The following SASH1 variants were observed in gnomAD, a reference collection of about 807,000 sequenced individuals.
SASH1 encodes SAM and SH3 domain-containing protein 1.
Under a neutral mutation model 125.2 loss-of-function variants are expected in SASH1, and 44 were observed. The observed-to-expected ratio is 0.35, with a 90% CI of 0.28 to 0.45. SASH1 has a LOEUF of 0.45. Among genes scored for constraint, SASH1 ranks in the 20% least tolerant of loss-of-function variants. The probability of loss-of-function intolerance (pLI) is 1.00; values close to 1 mark genes in which losing one functional copy is unlikely to be tolerated. For missense variants in SASH1, 1,426 were observed against 1,614.5 expected (o/e 0.88, Z 2.00); for synonymous variants, 639 against 649.1 (o/e 0.98, Z 0.24).
chr6:148,296,561 G>A lies in SASH1; in HGVS notation n.74+24184G>A, dbSNP rs541108990. ...CTCTATGGGATTCATTGTATTCATG[G>A]CCCCATTTTATAGATGAGAAAACTA... On this transcript the variant is annotated intron_variant and non_coding_transcript_variant, in intron 1 of 3. Transcript: ENST00000367469. Among the ~76,000 whole-genome samples the A allele has an allele frequency of 1.2e-3, 189 of 152,106 alleles. 2 individuals carry two copies. Among genetic ancestry groups the A allele is most frequent in the Non-Finnish European group, 1.3e-3 (91 of 68,032 alleles).
At chr6:148,370,233 A>G (rs1782657856) in intron 1 of SASH1, among the ~76,000 whole-genome samples, 1 of 152,144 alleles carries the variant, frequency 6.6e-6, no homozygotes, top group African/African-American at 2.4e-5. Flanking sequence ...ACAAATTGTG[A>G]TATATAGACA....
At chr6:148,234,080 C>T in the SASH1 span, among the ~76,000 whole-genome samples, 5 of 151,760 alleles carry the variant, frequency 3.3e-5, no homozygotes, top group Admixed American at 3.3e-4. Context: ...CTCTGTAGCC[C>T]AGGCTGGAGT....
intron 1 of SASH1, among the ~76,000 whole-genome samples, chr6:148,364,118 C>G (rs1461760369): frequency 6.6e-6 from 1 of 152,162 alleles, no homozygotes; most frequent in Non-Finnish European, 1.5e-5. Context: ...GGACTGCTCC[C>G]TCTGGTCCAT....
rs558325057 is a variant in SASH1, at chr6:148,324,503, A to G, written n.74+52126A>G. Among the ~76,000 whole-genome samples, 19 of 152,254 alleles carry G rather than the reference A, an allele frequency of 1.2e-4. No individual in the cohort carries two copies. The South Asian group carries it at 3.1e-3, about 25-fold the overall frequency. ...TCCCTTTCTCCAACTCTGCCATCCA[A>G]TGAATCACCCAGTCCTTCCAATTCA... On this transcript the variant is annotated intron_variant and non_coding_transcript_variant, in intron 1 of 3. Transcript: ENST00000367469.
At chr6:148,381,226 T>G (rs567486679) in intron 1 of SASH1, among the ~76,000 whole-genome samples, 2 of 152,318 alleles carry the variant, frequency 1.3e-5, no homozygotes, top group South Asian at 4.1e-4. Context: ...TAGACTAAAC[T>G]TTTCAGATTT....
At chr6:148,448,115 A>AGAGTGTGTGTGTGTGTGTGTGT (rs374141600) in intron 4 of SASH1, among the ~76,000 whole-genome samples, 40 of 146,922 alleles carry the variant, frequency 2.7e-4, no homozygotes, top group African/African-American at 8.8e-4. Context: ...CAGTGGAGAG[A>AGAGTGTGTGTGTGTGTGTGTGT]GTGTGTGTGT....
chr6:148,329,705 G>A (rs190098488), intron 1 of SASH1, among the ~76,000 whole-genome samples: 241 of 152,278 alleles, frequency 1.6e-3, no homozygotes, highest in Non-Finnish European at 2.7e-3. Context: ...ACTCTAGAGA[G>A]GAACATGGCC....
At chr6:148,476,140 T>C (rs1307762758) in intron 7 of SASH1, among the ~76,000 whole-genome samples, 1 of 151,954 alleles carries the variant, frequency 6.6e-6, no homozygotes, top group Non-Finnish European at 1.5e-5. Context: ...CAGCAACAAA[T>C]ACTCTGAAAA....
intron 1 of SASH1, among the ~76,000 whole-genome samples, chr6:148,275,169 G>A (rs1444695287): frequency 6.6e-6 from 1 of 152,218 alleles, no homozygotes; most frequent in Non-Finnish European, 1.5e-5. Flanking sequence ...CTGGAAAGGG[G>A]AAGAAAGAAC....
rs1237965808 is a variant in SASH1 at position 148,549,474 on chromosome 6, A to G, written c.*916A>G. Reference sequence around the variant, plus strand: ...TGCTTTTGGTTTTAACCAGTTTAGTATCGTTACTGTGTGGATCGTCGCGCT... The same window carrying G: ...TGCTTTTGGTTTTAACCAGTTTAGTGTCGTTACTGTGTGGATCGTCGCGCT... On this transcript the variant is annotated 3_prime_UTR_variant, in exon 20 of 20. Coordinates refer to ENST00000367467, the MANE Select transcript of SASH1 (RefSeq NM_015278.5). 2.5e-6 allele frequency: 1 copy of G among 396,182 alleles called. No homozygotes were observed. Among genetic ancestry groups the G allele is most frequent in the Non-Finnish European group, 4.5e-6 (1 of 224,344 alleles). 24.5% of individuals were successfully genotyped at this position (396,182 alleles called of 1,614,324 possible). A position where few individuals can be genotyped will look rare whatever the true frequency, so the allele number is the denominator to read the frequency against.
At chr6:148,539,883 A>G (rs1782112471) in intron 16 of SASH1, among the ~76,000 whole-genome samples, 1 of 152,166 alleles carries the variant, frequency 6.6e-6, no homozygotes. Context: ...AGCTAATACA[A>G]GAGCCCTCAG....
the SASH1 span, among the ~76,000 whole-genome samples, chr6:148,197,223 A>G: frequency 6.6e-6 from 1 of 152,238 alleles, no homozygotes; most frequent in African/African-American, 2.4e-5. Context: ...ATGAGATGGC[A>G]GTGGTCCCAG....
chr6:148,270,637 TTGTC>T (rs944229660), upstream of SASH1, among the ~76,000 whole-genome samples: 21 of 152,312 alleles, frequency 1.4e-4, no homozygotes, highest in African/African-American at 5.1e-4. Context: ...AAAAAAAAAT[TTGTC>T]TGAGATGTCA....
chr6:148,392,006 C>T (rs999514933), intron 2 of SASH1, among the ~76,000 whole-genome samples: 2 of 152,098 alleles, frequency 1.3e-5, no homozygotes, highest in African/African-American at 4.8e-5. Flanking sequence ...AAAACTAAGC[C>T]GGGAGCGGTG....
the SASH1 span, among the ~76,000 whole-genome samples, chr6:148,221,425 G>A: frequency 2.0e-5 from 3 of 152,312 alleles, no homozygotes; most frequent in South Asian, 6.2e-4. Flanking sequence ...TGTATGCAAG[G>A]AAGTGAATAG....
At chr6:148,234,185 T>G in the SASH1 span, among the ~76,000 whole-genome samples, 1 of 151,930 alleles carries the variant, frequency 6.6e-6, no homozygotes, top group African/African-American at 2.4e-5. Context: ...CCACAGGCAC[T>G]GGCTTCACCA....
chr6:148,457,944 C>T (rs1051104413), intron 4 of SASH1, among the ~76,000 whole-genome samples: 2 of 152,158 alleles, frequency 1.3e-5, no homozygotes, highest in Admixed American at 6.5e-5. Flanking sequence ...TGAGGGTAAC[C>T]GCCCCCATGA....
chr6:148,390,169 G>A lies in SASH1; in HGVS notation c.192G>A (p.Gln64=). 6.2e-7 allele frequency: 1 copy of A among 1,613,732 alleles called. No homozygotes were observed. Among genetic ancestry groups the A allele is most frequent in the Non-Finnish European group, 8.5e-7 (1 of 1,179,838 alleles). Residue 64 remains glutamine (Q), a synonymous_variant, in exon 2 of 20, where the codon CAG becomes CAA. Coordinates refer to ENST00000367467, the MANE Select transcript of SASH1 (RefSeq NM_015278.5). ...TGGGAAACATCGATGACCTGGCGCA[G>A]CAGTATGCAGATTATTACAACACCT... The part of the protein sequence containing the change: ...GSLGNIDDLA[Q]QYADYYNTCF...
intron 1 of SASH1, among the ~76,000 whole-genome samples, chr6:148,293,933 A>G (rs1411928646): frequency 2.6e-5 from 4 of 152,260 alleles, no homozygotes; most frequent in Non-Finnish European, 5.9e-5. Context: ...TTCTCAAGGG[A>G]GCAAGAGAAA....
Sources: gnomAD v4.1 joint callset for allele counts (sites outside exome capture counted in the v4.1 genomes callset) on GRCh38, gnomAD v4.1.1 for gene constraint, MANE v1.5 for transcripts, NCBI Gene and HGNC (gene_info 2026-07-23, HGNC 2026-07-21) for gene names.